FAM107B: variants seen among roughly 807,000 people sequenced by gnomAD.
The protein encoded by FAM107B is protein FAM107B.
Under a neutral mutation model 31.5 loss-of-function variants are expected in FAM107B, and 21 were observed. That is an observed-to-expected ratio of 0.67 (90% CI 0.47 to 0.96). FAM107B has a LOEUF of 0.96. FAM107B is among the 40% of genes least tolerant of loss of function. FAM107B has a pLI of 0.00. For missense variants in FAM107B, 452 were observed against 377.1 expected (o/e 1.20, Z -1.64); for synonymous variants, 157 against 141.5 (o/e 1.11, Z -0.78).
intron 1 of FAM107B, among the ~76,000 whole-genome samples, chr10:14,686,973 T>A (rs1312429369): frequency 6.6e-6 from 1 of 152,226 alleles, no homozygotes; most frequent in African/African-American, 2.4e-5. Flanking sequence ...TTAATTACAG[T>A]CATGTCATGT....
chr10:14,586,300 A>G (rs554520616), intron 2 of FAM107B, among the ~76,000 whole-genome samples: 1 of 152,298 alleles, frequency 6.6e-6, no homozygotes, highest in South Asian at 2.1e-4. Context: ...TGTAGCAAAG[A>G]ACGTCTCTGT....
At chr10:14,629,363 T>TTA (rs1199162200) in intron 2 of FAM107B, among the ~76,000 whole-genome samples, 3 of 58,910 alleles carry the variant, frequency 5.1e-5, no homozygotes, top group East Asian at 9.3e-4. Context: ...ATAATATATA[T>TTA]TATATATTTA....
chr10:14,650,283 A>C (rs1197221508), intron 2 of FAM107B, among the ~76,000 whole-genome samples: 1 of 151,798 alleles, frequency 6.6e-6, no homozygotes, highest in East Asian at 1.9e-4. Context: ...TTCATTCTTA[A>C]CTCTGATTTT....
At chr10:14,729,042 G>T (rs1393523688) in intron 1 of FAM107B, among the ~76,000 whole-genome samples, 1 of 152,070 alleles carries the variant, frequency 6.6e-6, no homozygotes, top group Non-Finnish European at 1.5e-5. Context: ...GCCCTGGCTG[G>T]AGTACAGTGG....
At chr10:14,557,777 G>C (rs760273899) in intron 2 of FAM107B, among the ~76,000 whole-genome samples, 1 of 152,208 alleles carries the variant, frequency 6.6e-6, no homozygotes, top group Non-Finnish European at 1.5e-5. Flanking sequence ...GAGGCCCAGG[G>C]GGATTAGCAG....
chr10:14,585,222 T>C lies in FAM107B; in HGVS notation c.470-54707A>G, dbSNP rs183889742. ...TTTGTTGCTTCATTCTTTCCTTGCT[T>C]TGTTTGTGCGTTTTGTCCAATTCTT... On this transcript the variant is annotated intron_variant, in intron 2 of 4. Coordinates refer to ENST00000181796, the MANE Select transcript of FAM107B (RefSeq NM_031453.4). Among the ~76,000 whole-genome samples, 7 of 152,314 alleles carry C rather than the reference T, an allele frequency of 4.6e-5. No homozygotes were observed. In the East Asian group the frequency reaches 1.4e-3, roughly 29 times the overall value.
chr10:14,553,355 T>G (rs1039326513), intron 2 of FAM107B: 2 of 1,280,226 alleles, frequency 1.6e-6, no homozygotes, highest in African/African-American at 3.1e-5. Flanking sequence ...CAACAGTTTC[T>G]CTATCCACAA....
At chr10:14,722,715 T>C (rs753554253) in intron 1 of FAM107B, among the ~76,000 whole-genome samples, 14 of 152,216 alleles carry the variant, frequency 9.2e-5, no homozygotes, top group Non-Finnish European at 1.8e-4. Context: ...TAGATATAAG[T>C]CTCTTATCAG....
intron 2 of FAM107B, chr10:14,602,630 A>G (rs1404580269): frequency 6.6e-6 from 1 of 152,210 alleles, no homozygotes; most frequent in Non-Finnish European, 1.5e-5. Flanking sequence ...CCTTTCCATC[A>G]CATATTTCTT....
chr10:14,650,796 T>C (rs1273972231), intron 2 of FAM107B, among the ~76,000 whole-genome samples: 1 of 152,234 alleles, frequency 6.6e-6, no homozygotes, highest in Non-Finnish European at 1.5e-5. Flanking sequence ...TCACTAAATT[T>C]CAAGAAGTCG....
At chr10:14,625,868 T>TAAAAAAAAAAAAAAAAAAA (rs58736805) in intron 2 of FAM107B, among the ~76,000 whole-genome samples, 2 of 108,918 alleles carry the variant, frequency 1.8e-5, no homozygotes, top group Admixed American at 2.2e-4. Context: ...GCTCATGGAT[T>TAAAAAAAAAAAAAAAAAAA]AAAAAAAAAA....
chr10:14,581,263 T>G (rs1851627269), intron 2 of FAM107B, among the ~76,000 whole-genome samples: 1 of 152,166 alleles, frequency 6.6e-6, no homozygotes, highest in Non-Finnish European at 1.5e-5. Context: ...GGCCCAAGTT[T>G]TCCTGACAGG....
intron 1 of FAM107B, among the ~76,000 whole-genome samples, chr10:14,715,950 G>A (rs1033605154): frequency 2.6e-5 from 4 of 152,124 alleles, no homozygotes; most frequent in Non-Finnish European, 4.4e-5. Flanking sequence ...CCACAATCAC[G>A]TGAGCCAATT....
intron 2 of FAM107B, among the ~76,000 whole-genome samples, chr10:14,589,758 T>G (rs931917785): frequency 9.9e-5 from 15 of 152,110 alleles, no homozygotes; most frequent in African/African-American, 3.6e-4. Flanking sequence ...GTGGCACATG[T>G]ATACCTATGT....
At chr10:14,725,165 TC>T (rs1253052477) in intron 1 of FAM107B, among the ~76,000 whole-genome samples, 1 of 152,146 alleles carries the variant, frequency 6.6e-6, no homozygotes, top group Non-Finnish European at 1.5e-5. Flanking sequence ...TCTCAGACGG[TC>T]AGCATCCTCC....
At chr10:14,675,048 T>C (rs77593654) in intron 1 of FAM107B, among the ~76,000 whole-genome samples, 5,187 of 152,284 alleles carry the variant, frequency 0.034, 285 homozygotes, top group African/African-American at 0.12. Flanking sequence ...CTGTGCTGAT[T>C]CCAGTGGTAT....
At chr10:14,653,199 C>T (rs1003453165) in intron 2 of FAM107B, among the ~76,000 whole-genome samples, 13 of 152,222 alleles carry the variant, frequency 8.5e-5, no homozygotes, top group Admixed American at 2.6e-4. Flanking sequence ...CAGGCCTTTG[C>T]AAAATGTGCC....
intron 1 of FAM107B, among the ~76,000 whole-genome samples, chr10:14,761,879 A>G (rs1833055353): frequency 6.6e-6 from 1 of 152,148 alleles, no homozygotes; most frequent in East Asian, 1.9e-4. Context: ...GATTACAGGC[A>G]TCCGCCACCG....
intron 2 of FAM107B, among the ~76,000 whole-genome samples, chr10:14,565,128 T>C (rs965395224): frequency 7.9e-5 from 12 of 152,256 alleles, no homozygotes; most frequent in South Asian, 4.1e-4. Context: ...CACGTATTTA[T>C]TGAGTGTACA....
Sources: gnomAD v4.1 joint callset for allele counts (sites outside exome capture counted in the v4.1 genomes callset) on GRCh38, gnomAD v4.1.1 for gene constraint, MANE v1.5 for transcripts, NCBI Gene and HGNC (gene_info 2026-07-23, HGNC 2026-07-21) for gene names.